TSNARE1: variants seen among roughly 807,000 people sequenced by gnomAD.
The protein encoded by TSNARE1 is t-SNARE domain-containing protein 1.
TSNARE1 carries 49 observed loss-of-function variants against 62.0 expected under a neutral mutation model. The observed-to-expected ratio is 0.79, with a 90% CI of 0.63 to 1.00. The LOEUF (loss-of-function observed/expected upper bound fraction) is 1.00. Among genes scored for constraint, TSNARE1 ranks in the 50% least tolerant of loss-of-function variants. The pLI is 0.00. For missense variants in TSNARE1, 755 were observed against 700.1 expected (o/e 1.08, Z -0.88); for synonymous variants, 328 against 294.4 (o/e 1.11, Z -1.17).
intron 12 of TSNARE1, among the ~76,000 whole-genome samples, chr8:142,266,298 T>C (rs1819129197): frequency 6.6e-6 from 1 of 152,266 alleles, no homozygotes; most frequent in African/African-American, 2.4e-5. Flanking sequence ...TGGATTTACT[T>C]ACACATTTAC....
intron 1 of TSNARE1, among the ~76,000 whole-genome samples, chr8:142,357,208 C>G (rs185335689): frequency 6.6e-6 from 1 of 152,218 alleles, no homozygotes; most frequent in Non-Finnish European, 1.5e-5. Flanking sequence ...AGAGCTCACT[C>G]GAGCTGGTTA....
chr8:142,270,487 T>C, intron 12 of TSNARE1: 1 of 861,260 alleles, frequency 1.2e-6, no homozygotes, highest in Non-Finnish European at 1.4e-6. Flanking sequence ...TAGGCATATA[T>C]ATATATATAT....
chr8:142,325,931 G>C (rs981175582), intron 6 of TSNARE1: 1 of 171,520 alleles, frequency 5.8e-6, no homozygotes, highest in South Asian at 1.2e-4. Flanking sequence ...GGGCCCCGGA[G>C]AGCACGAGAC....
intron 12 of TSNARE1, among the ~76,000 whole-genome samples, chr8:142,255,905 C>T (rs1371946045): frequency 1.1e-4 from 1 of 9,012 alleles, no homozygotes; most frequent in Non-Finnish European, 4.1e-4. Flanking sequence ...ACCACTGTCA[C>T]CATCACCACC....
chr8:142,306,230 T>C (rs1563875497), intron 9 of TSNARE1, among the ~76,000 whole-genome samples: 1 of 152,020 alleles, frequency 6.6e-6, no homozygotes, highest in African/African-American at 2.4e-5. Flanking sequence ...CAAAGGGAAA[T>C]GGACCCAGAG....
chr8:142,298,644 T>C (rs1480596280), intron 10 of TSNARE1, among the ~76,000 whole-genome samples: 3 of 152,210 alleles, frequency 2.0e-5, no homozygotes, highest in Non-Finnish European at 4.4e-5. Flanking sequence ...TTGGGCTTTT[T>C]GGCAGAATGA....
chr8:142,343,771 A>AGAG lies in TSNARE1; in HGVS notation c.745+192_745+194dup, dbSNP rs1211571943. Among the ~76,000 whole-genome samples the AGAG allele has an allele frequency of 7.1e-3, 404 of 56,980 alleles. 5 individuals carry two copies. Among genetic ancestry groups the AGAG allele is most frequent in the Non-Finnish European group, 8.4e-3 (307 of 36,508 alleles). The allele number at this position is 56,980 out of a possible 152,430, so 37.4% of individuals were successfully genotyped here. A position where few individuals can be genotyped will look rare whatever the true frequency, so the allele number is the denominator to read the frequency against. On this transcript the variant is annotated intron_variant, in intron 4 of 13. Coordinates refer to ENST00000524325, the MANE Select transcript of TSNARE1 (RefSeq NM_145003.5). ...TGGGGAGTGGGGGGAGGAGGGGAGA[A>AGAG]GAGGAGGAGGAGGAGGAGGAGGAGG...
intron 13 of TSNARE1, among the ~76,000 whole-genome samples, chr8:142,225,312 T>C (rs1816722717): frequency 6.6e-6 from 1 of 152,060 alleles, no homozygotes; most frequent in Non-Finnish European, 1.5e-5. Flanking sequence ...CCTAACCACC[T>C]TCTCTGCTCC....
At chr8:142,376,412 G>C (rs1836344913) in intron 1 of TSNARE1, among the ~76,000 whole-genome samples, 2 of 152,184 alleles carry the variant, frequency 1.3e-5, no homozygotes, top group Non-Finnish European at 2.9e-5. Flanking sequence ...TTTGGGTGGT[G>C]AACAGGTCAT....
intron 1 of TSNARE1, among the ~76,000 whole-genome samples, chr8:142,367,520 C>T (rs1036897949): frequency 4.4e-3 from 48 of 10,818 alleles, no homozygotes; most frequent in South Asian, 0.013. Context: ...GACGCCGGGG[C>T]GGGGGAGGGG....
intron 12 of TSNARE1, among the ~76,000 whole-genome samples, chr8:142,261,633 T>A (rs1818893591): frequency 6.6e-6 from 1 of 152,044 alleles, no homozygotes; most frequent in African/African-American, 2.4e-5. Context: ...AAGGCAGCAT[T>A]TCTCCTTGCT....
intron 9 of TSNARE1, among the ~76,000 whole-genome samples, chr8:142,311,765 T>C (rs957212368): frequency 6.6e-6 from 1 of 152,214 alleles, no homozygotes. Flanking sequence ...CTTTAGATTT[T>C]CTATCATTTT....
Position 142,331,903 on chromosome 8 carries a change from C to T in TSNARE1, c.746-72G>A. Reference sequence around the variant, plus strand: ...CCTGCAGGCCCAGCTCTGCTAACCGCTCTGGGCAGCCCCCAGGGGCAGGGA... The same window carrying T: ...CCTGCAGGCCCAGCTCTGCTAACCGTTCTGGGCAGCCCCCAGGGGCAGGGA... On this transcript the variant is annotated intron_variant, in intron 4 of 13. Transcript: ENST00000524325. The T allele has an allele frequency of 3.5e-6, 5 of 1,433,788 alleles. No homozygotes were observed. The South Asian group carries it at 4.9e-5, about 14-fold the overall frequency. 88.8% of individuals were successfully genotyped at this position (1,433,788 alleles called of 1,614,324 possible). A position where few individuals can be genotyped will look rare whatever the true frequency, so the allele number is the denominator to read the frequency against.
intron 9 of TSNARE1, among the ~76,000 whole-genome samples, chr8:142,301,222 GCCC>G (rs1272192570): frequency 2.3e-5 from 2 of 87,350 alleles, no homozygotes; most frequent in Non-Finnish European, 4.5e-5. Flanking sequence ...CGGCCACAGT[GCCC>G]CCCACCTGCC....
At chr8:142,259,236 C>T (rs1164007898) in intron 12 of TSNARE1, among the ~76,000 whole-genome samples, 5 of 152,260 alleles carry the variant, frequency 3.3e-5, no homozygotes, top group Admixed American at 3.3e-4. Context: ...ACCCTTCCCT[C>T]AGCTGTGAGC....
chr8:142,318,739 A>T, intron 6 of TSNARE1, 105 bp from the exon 7 acceptor site: 1 of 968,318 alleles, frequency 1.0e-6, no homozygotes, highest in Non-Finnish European at 1.6e-6. Context: ...CGAGTGGGGG[A>T]GACAGAGACA....
chr8:142,212,805 CT>C (rs1433975492), intron 13 of TSNARE1, among the ~76,000 whole-genome samples: 1 of 14,084 alleles, frequency 7.1e-5, no homozygotes, highest in Non-Finnish European at 1.4e-4. Flanking sequence ...CTCTCCAATC[CT>C]TCCCCCCCCT....
chr8:142,327,216 C>T (rs1188841425), intron 6 of TSNARE1, among the ~76,000 whole-genome samples: 1 of 152,232 alleles, frequency 6.6e-6, no homozygotes, highest in East Asian at 1.9e-4. Context: ...ACCCAAATGC[C>T]CACCAGCTGG....
At chr8:142,282,335 C>G (rs76444202) in intron 11 of TSNARE1, among the ~76,000 whole-genome samples, 1,983 of 152,352 alleles carry the variant, frequency 0.013, 41 homozygotes, top group African/African-American at 0.045. Flanking sequence ...GGCAGAGGCC[C>G]AGGATGAAGG....
Sources: gnomAD v4.1 joint callset for allele counts (sites outside exome capture counted in the v4.1 genomes callset) on GRCh38, gnomAD v4.1.1 for gene constraint, MANE v1.5 for transcripts, NCBI Gene and HGNC (gene_info 2026-07-23, HGNC 2026-07-21) for gene names.